Variants in SZRD1 observed in about 807,000 individuals in gnomAD.
SZRD1 encodes SUZ RNA binding domain containing 1.
Under a neutral mutation model 17.6 loss-of-function variants are expected in SZRD1, and 7 were observed. That is an observed-to-expected ratio of 0.40 (90% CI 0.23 to 0.75). SZRD1 has a LOEUF of 0.75. SZRD1 is among the 30% of genes least tolerant of loss of function. The pLI, the probability that SZRD1 is intolerant of heterozygous loss-of-function variation, is 0.38. For missense variants in SZRD1, 178 were observed against 201.8 expected (o/e 0.88, Z 0.71); for synonymous variants, 77 against 77.9 (o/e 0.99, Z 0.06).
At chr1:16,370,776 A>G (rs1210045665) in intron 1 of SZRD1, among the ~76,000 whole-genome samples, 3 of 152,216 alleles carry the variant, frequency 2.0e-5, no homozygotes, top group Admixed American at 1.3e-4. Flanking sequence ...TTCTGGGATT[A>G]TAGGCATGAG....
chr1:16,395,390 G>C lies in SZRD1; in HGVS notation c.*250G>C. 7 of 511,770 alleles carry C rather than the reference G, an allele frequency of 1.4e-5. No individual in the cohort carries two copies. Among genetic ancestry groups the C allele is most frequent in the Non-Finnish European group, 2.5e-5 (7 of 278,580 alleles). The allele number at this position is 511,770 out of a possible 1,614,324, so 31.7% of individuals were successfully genotyped here. A position where few individuals can be genotyped will look rare whatever the true frequency, so the allele number is the denominator to read the frequency against. ...GTCCCAAGTCAATGGAAAGGGAAAG[G>C]GTGGGGGTTAGGGGAAGGTTGGGGG... On this transcript the variant is annotated 3_prime_UTR_variant, in exon 4 of 4. Coordinates refer to ENST00000401088, the MANE Select transcript of SZRD1 (RefSeq NM_001114600.3).
At chr1:16,378,771 G>A (rs1463303158) in intron 1 of SZRD1, among the ~76,000 whole-genome samples, 3 of 151,936 alleles carry the variant, frequency 2.0e-5, no homozygotes, top group Admixed American at 6.6e-5. Context: ...GAGTCTTGCA[G>A]GCTGGAGTGC....
chr1:16,391,267 C>T lies in SZRD1; in HGVS notation c.52-108C>T, dbSNP rs985537336. 179 of 807,254 alleles carry T rather than the reference C, an allele frequency of 2.2e-4. 1 individual carries two copies. The highest frequency in any genetic ancestry group is 1.9e-4 in the Admixed American group (8 of 42,006). 50.0% of individuals were successfully genotyped at this position (807,254 alleles called of 1,614,324 possible). On this transcript the variant is annotated intron_variant, in intron 1 of 3. Coordinates refer to ENST00000401088, the MANE Select transcript of SZRD1 (RefSeq NM_001114600.3). This position sits in a 1 kb window ranked among gnomAD's most constrained non-coding sequence, Gnocchi z 4.3. ...CATTTGTTATGTTGAAGGACACAGT[C>T]ATGTCCCTGGCTAGAGAAAGGACAC...
rs942632708 is a variant in SZRD1, at chr1:16,393,118, T to A, written c.102-110T>A. On this transcript the variant is annotated intron_variant, in intron 2 of 3. Coordinates refer to ENST00000401088, the MANE Select transcript of SZRD1 (RefSeq NM_001114600.3). This position sits in a 1 kb window ranked among gnomAD's most constrained non-coding sequence, Gnocchi z 5.6. Reference sequence around the variant, plus strand: ...TGGTCAGAGGCCAGAGAATCATGCATGGGTAGAATTAGGGAGGGAGAGGAA... The same window carrying A: ...TGGTCAGAGGCCAGAGAATCATGCAAGGGTAGAATTAGGGAGGGAGAGGAA... The A allele has an allele frequency of 7.1e-7, 1 of 1,411,310 alleles. No individual in the cohort carries two copies. Among genetic ancestry groups the A allele is most frequent in the African/African-American group, 1.4e-5 (1 of 70,710 alleles). 87.4% of individuals were successfully genotyped at this position (1,411,310 alleles called of 1,614,324 possible).
intron 1 of SZRD1, chr1:16,369,628 C>G (rs1050969241): frequency 3.4e-6 from 2 of 585,388 alleles, no homozygotes; most frequent in Non-Finnish European, 6.1e-6. Context: ...GTGGCTCACG[C>G]CTGTAATCCC....
chr1:16,381,858 G>A (rs2083111019), intron 1 of SZRD1, among the ~76,000 whole-genome samples: 1 of 151,986 alleles, frequency 6.6e-6, no homozygotes, highest in African/African-American at 2.4e-5. Flanking sequence ...CCAGGAGGTG[G>A]AGGTTGCAGT....
rs2085319342 is a variant in SZRD1, at chr1:16,396,798, C to G, written c.*1658C>G. On this transcript the variant is annotated 3_prime_UTR_variant, in exon 4 of 4. Transcript: ENST00000401088. ...TAAGCCATGCCCCAACACGTCCTCT[C>G]CTCCGGAGGAAGGGCCAGCTGCCAG... The G allele has an allele frequency of 6.6e-6, 1 of 152,396 alleles. No homozygotes were observed. Among genetic ancestry groups the G allele is most frequent in the African/African-American group, 2.4e-5 (1 of 41,460 alleles). The allele number at this position is 152,396 out of a possible 1,614,324, so 9.4% of individuals were successfully genotyped here.
At position 16,385,262 on chromosome 1, in the gene SZRD1, C is replaced by G. The variant is rs978110584; in HGVS notation, c.52-6113C>G. On this transcript the variant is annotated intron_variant, in intron 1 of 3. Transcript: ENST00000401088. ...TATACTGAGGCACAGAGTGGGGAGG[C>G]CTGCTGTCCTTGGGGAGTGGGTAGC... Among the ~76,000 whole-genome samples, 46 of 152,044 alleles carry G rather than the reference C, an allele frequency of 3.0e-4. 1 individual carries two copies. Among genetic ancestry groups the G allele is most frequent in the Non-Finnish European group, 7.4e-5 (5 of 68,012 alleles).
chr1:16,369,508 A>G, intron 1 of SZRD1: 1 of 890,762 alleles, frequency 1.1e-6, no homozygotes, highest in Non-Finnish European at 1.9e-6. Flanking sequence ...CCCCTTCACC[A>G]CAGGCTTTTT....
At position 16,393,651 on chromosome 1, in the gene SZRD1, T is replaced by C. The variant is rs1182002197; in HGVS notation, c.356+169T>C. Among the ~76,000 whole-genome samples, 2 of 152,212 alleles carry C rather than the reference T, an allele frequency of 1.3e-5. No individual in the cohort carries two copies. Among genetic ancestry groups the C allele is most frequent in the Non-Finnish European group, 2.9e-5 (2 of 68,038 alleles). ...GCTGGCACTAGTTCACTGTGCCGCA[T>C]TGGCTGGAGAGGGCTCTGAAAGCCT... is the stretch of plus-strand genomic sequence containing the variant. On this transcript the variant is annotated intron_variant, in intron 3 of 3. Coordinates refer to ENST00000401088, the MANE Select transcript of SZRD1 (RefSeq NM_001114600.3). This position sits in a 1 kb window ranked among gnomAD's most constrained non-coding sequence, Gnocchi z 5.6.
rs2085315077 is a variant in SZRD1, at chr1:16,396,564, C to T, written c.*1424C>T. 2 of 152,454 alleles carry T rather than the reference C, an allele frequency of 1.3e-5. No homozygotes were observed. Among genetic ancestry groups the T allele is most frequent in the Non-Finnish European group, 2.9e-5 (2 of 68,148 alleles). 9.4% of individuals were successfully genotyped at this position (152,454 alleles called of 1,614,324 possible). The stretch of plus-strand genomic sequence containing the variant: ...CCAGAGCAGCTGTGTGTACCTGGCT[C>T]CTCTCAGGCTTCCTGATCCCTTCCG... On this transcript the variant is annotated 3_prime_UTR_variant, in exon 4 of 4. Transcript: ENST00000401088.
rs2085308759 is a variant in SZRD1, at chr1:16,396,193, C to T, written c.*1053C>T. 1 of 152,488 alleles carries T rather than the reference C, an allele frequency of 6.6e-6. No individual in the cohort carries two copies. The highest frequency in any genetic ancestry group is 6.5e-5 in the Admixed American group (1 of 15,274). The allele number at this position is 152,488 out of a possible 1,614,324, so 9.4% of individuals were successfully genotyped here. A position where few individuals can be genotyped will look rare whatever the true frequency, so the allele number is the denominator to read the frequency against. On this transcript the variant is annotated 3_prime_UTR_variant, in exon 4 of 4. Transcript: ENST00000401088. ...TGCCTCCAGGACTCTGAGCCTTCTGCCTCGTATGTTCAGAAGGTGGATAGG... is the reference window on the plus strand; with the variant it reads ...TGCCTCCAGGACTCTGAGCCTTCTGTCTCGTATGTTCAGAAGGTGGATAGG...
intron 1 of SZRD1, among the ~76,000 whole-genome samples, chr1:16,380,997 C>T (rs1159790228): frequency 6.7e-6 from 1 of 148,672 alleles, no homozygotes; most frequent in Non-Finnish European, 1.5e-5. Context: ...TGAGGCAGAT[C>T]GCTTGAGTCC....
chr1:16,369,962 G>A lies in SZRD1; in HGVS notation c.51+2654G>A, dbSNP rs183067168. The stretch of plus-strand genomic sequence containing the variant: ...CCTTATTGACATCATGAACACTTCT[G>A]CCAAAATGCAGGTTCTCTAATATAT... On this transcript the variant is annotated intron_variant, in intron 1 of 3. Transcript: ENST00000401088. 2.7e-5 allele frequency among the ~76,000 whole-genome samples: 4 copies of A among 150,484 alleles called. No homozygotes were observed. The East Asian group carries it at 7.8e-4, about 29-fold the overall frequency.
intron 1 of SZRD1, among the ~76,000 whole-genome samples, chr1:16,378,610 T>C (rs2083041823): frequency 6.6e-6 from 1 of 151,846 alleles, no homozygotes; most frequent in Non-Finnish European, 1.5e-5. Flanking sequence ...AGCTTTAAGA[T>C]CGGGGCCTTG....
At chr1:16,370,915 G>A (rs1403262519) in intron 1 of SZRD1, among the ~76,000 whole-genome samples, 2 of 152,190 alleles carry the variant, frequency 1.3e-5, no homozygotes, top group Non-Finnish European at 2.9e-5. Context: ...AAAGAGGGGA[G>A]CCAGGGAGAT....
At chr1:16,370,267 C>T (rs1300363612) in intron 1 of SZRD1, among the ~76,000 whole-genome samples, 1 of 151,720 alleles carries the variant, frequency 6.6e-6, no homozygotes, top group East Asian at 1.9e-4. Flanking sequence ...ACTCCATTGC[C>T]CAGGCTGGAG....
chr1:16,393,648 G>A lies in SZRD1; in HGVS notation c.356+166G>A, dbSNP rs55688804. ...CCTGCTGGCACTAGTTCACTGTGCC[G>A]CATTGGCTGGAGAGGGCTCTGAAAG... On this transcript the variant is annotated intron_variant, in intron 3 of 3. Transcript: ENST00000401088. This position sits in a 1 kb window ranked among gnomAD's most constrained non-coding sequence, Gnocchi z 5.6. 2.6e-5 allele frequency among the ~76,000 whole-genome samples: 4 copies of A among 152,302 alleles called. No homozygotes were observed. The highest frequency in any genetic ancestry group is 6.5e-5 in the Admixed American group (1 of 15,294).
At chr1:16,375,001 C>T (rs916569202) in intron 1 of SZRD1, among the ~76,000 whole-genome samples, 2 of 152,064 alleles carry the variant, frequency 1.3e-5, no homozygotes, top group African/African-American at 4.8e-5. Flanking sequence ...CCTCAGCCTC[C>T]CAAGTAGCTG....
Sources: allele counts gnomAD v4.1 joint callset (sites outside exome capture counted in the v4.1 genomes callset), GRCh38; gene constraint gnomAD v4.1.1; non-coding constraint Gnocchi (gnomAD v3.1); transcripts MANE v1.5; gene names NCBI Gene and HGNC (gene_info 2026-07-23, HGNC 2026-07-21).